The following TUT7 variants were observed in gnomAD, a reference collection of about 807,000 sequenced individuals.
TUT7 encodes the protein terminal uridylyltransferase 7.
A neutral mutation model predicts 165.9 loss-of-function variants in TUT7; 33 were observed. That is an observed-to-expected ratio of 0.20 (90% CI 0.15 to 0.27). The LOEUF (loss-of-function observed/expected upper bound fraction) is 0.27, where lower values mean the gene tolerates loss of function less well. Among genes scored for constraint, TUT7 ranks in the 10% least tolerant of loss-of-function variants. The pLI is 1.00. For missense variants in TUT7, 1,338 were observed against 1,762.3 expected, an observed-to-expected ratio of 0.76 and a Z score of 4.31; for synonymous variants, 552 against 608.1, an observed-to-expected ratio of 0.91 and a Z score of 1.36.
rs199887046 is a variant in TUT7, at chr9:86,343,117, G to C, written c.1044C>G (p.Phe348Leu). Residue 348 changes from phenylalanine (F) to leucine (L), a missense_variant, in exon 6 of 27, where the codon TTC (phenylalanine) becomes TTG (leucine). Transcript: ENST00000375963. ...TGTCAATGTTTACATCCGAATTTTTGAAACCCAATCTGCTACAGGATGACC... is the reference window on the plus strand; with the variant it reads ...TGTCAATGTTTACATCCGAATTTTTCAAACCCAATCTGCTACAGGATGACC... ...LYGSSCSRLG[F>L]KNSDVNIDIQ... 3 of 1,603,352 alleles carry C rather than the reference G, an allele frequency of 1.9e-6. No individual in the cohort carries two copies. The African/African-American group carries it at 4.0e-5, about 22-fold the overall frequency.
At chr9:86,342,159 C>T (rs1831381448) in intron 6 of TUT7, among the ~76,000 whole-genome samples, 1 of 151,994 alleles carries the variant, frequency 6.6e-6, no homozygotes. Flanking sequence ...ACCTCTGGGG[C>T]CCCAGAATCT....
At chr9:86,300,832 T>C (rs1355777531) in intron 26 of TUT7, among the ~76,000 whole-genome samples, 1 of 152,252 alleles carries the variant, frequency 6.6e-6, no homozygotes, top group Non-Finnish European at 1.5e-5. Flanking sequence ...TATTTCTTTC[T>C]GTTCCCTTTT....
In TUT7 at chr9:86,305,174, A is replaced by T. The variant is rs374402266; in HGVS notation, c.3886+18T>A. 4 of 1,587,808 alleles carry T rather than the reference A, an allele frequency of 2.5e-6. No homozygotes were observed. The highest frequency in any genetic ancestry group is 3.4e-6 in the Non-Finnish European group (4 of 1,168,528). On this transcript the variant is annotated intron_variant, in intron 23 of 26. Transcript: ENST00000375963. ...ATAAGTAAAATAAAAAATAAAATTG[A>T]CAAACGAAGTAACTCACTTTTCCTT...
Position 86,322,983 on chromosome 9 carries a change from G to A in TUT7, c.2767C>T (p.Leu923Phe). The A allele has an allele frequency of 6.2e-7, 1 of 1,613,962 alleles. No homozygotes were observed. The highest frequency in any genetic ancestry group is 1.1e-5 in the South Asian group (1 of 91,084). The change falls in exon 13 of 27, where the codon CTT (leucine) becomes TTT (phenylalanine). Residue 923 changes from leucine to phenylalanine, a missense_variant. Leu to Phe is a conservative substitution (Grantham distance 22). Around this residue, in one of 7 missense-constraint regions of TUT7, gnomAD observed 425 missense variants for 474.9 expected, o/e 0.89. Coordinates refer to ENST00000375963, the MANE Select transcript of TUT7 (RefSeq NM_024617.4). Reference protein sequence around the residue: ...KHVERALLVELNKISLKEENV... With the variant: ...KHVERALLVEFNKISLKEENV... ...TCTTCCTTGAGACTTATTTTATTAA[G>A]TTCCACTAGGAGAGCTCTTTCTACA...
chr9:86,313,668 T>C (rs1407270359), intron 17 of TUT7, among the ~76,000 whole-genome samples: 1 of 152,168 alleles, frequency 6.6e-6, no homozygotes, highest in Non-Finnish European at 1.5e-5. Flanking sequence ...CTAATTATCA[T>C]TTCACCCGTT....
At chr9:86,305,034 G>C (rs1314896151) in intron 23 of TUT7, 87 bp from the exon 24 acceptor site, 1 of 1,223,968 alleles carries the variant, frequency 8.2e-7, no homozygotes, top group African/African-American at 1.5e-5. Context: ...GCCTGGTGGC[G>C]CCTGTTATTC....
At chr9:86,309,890 G>T in intron 19 of TUT7, 38 bp downstream of exon 19, 2 of 1,559,496 alleles carry the variant, frequency 1.3e-6, no homozygotes, top group South Asian at 2.2e-5. Context: ...AAGATGCAAT[G>T]AAATTTCCTG....
rs562156834 is a variant in TUT7, at chr9:86,337,400, C to CA, written c.1455+18dup. 55 of 1,591,994 alleles carry CA rather than the reference C, an allele frequency of 3.5e-5. No individual in the cohort carries two copies. Among genetic ancestry groups the CA allele is most frequent in the Non-Finnish European group, 4.5e-5 (53 of 1,173,062 alleles). On this transcript the variant is annotated intron_variant, in intron 10 of 26. Transcript: ENST00000375963. ...AATAAAATCTGTTCAGATATATAAGCAAAAAAAATGTTTTATACCCATGAT... is the reference window on the plus strand; with the variant it reads ...AATAAAATCTGTTCAGATATATAAGCAAAAAAAAATGTTTTATACCCATGAT...
At chr9:86,292,599 T>G (rs1386534239) in intron 26 of TUT7, among the ~76,000 whole-genome samples, 1 of 147,752 alleles carries the variant, frequency 6.8e-6, no homozygotes, top group Non-Finnish European at 1.5e-5. Context: ...CAGTGACAGG[T>G]CTTTTATTAA....
intron 5 of TUT7, among the ~76,000 whole-genome samples, chr9:86,343,608 T>C (rs963729220): frequency 6.6e-6 from 1 of 152,188 alleles, no homozygotes; most frequent in Non-Finnish European, 1.5e-5. Context: ...AATGCACCCA[T>C]TGGTGTAATT....
Position 86,352,617 on chromosome 9 carries a change from G to A in TUT7, c.520+63C>T, listed in dbSNP as rs765506553. 6 of 1,579,152 alleles carry A rather than the reference G, an allele frequency of 3.8e-6. No individual in the cohort carries two copies. In the South Asian group the frequency reaches 6.7e-5, roughly 18 times the overall value. ...TGCTGAAAATAACAAAACTCATTTG[G>A]ATGAAAAAGAATAAAACATTGCTGA... On this transcript the variant is annotated intron_variant, in intron 2 of 26. Transcript: ENST00000375963.
At position 86,340,116 on chromosome 9, in the gene TUT7, A is replaced by C; in HGVS notation, c.1139-11T>G. 4 of 1,610,246 alleles carry C rather than the reference A, an allele frequency of 2.5e-6. No homozygotes were observed. Among genetic ancestry groups the C allele is most frequent in the Non-Finnish European group, 3.4e-6 (4 of 1,176,926 alleles). ...CATCAATAAAGGAGTCTGAGGAAAG[A>C]AGAAGAAAAATATTAAGTTGGTTAA... On this transcript the variant is annotated splice_polypyrimidine_tract_variant and intron_variant, in intron 7 of 26. Coordinates refer to ENST00000375963, the MANE Select transcript of TUT7 (RefSeq NM_024617.4).
At chr9:86,288,784 C>T (rs771690026) in intron 26 of TUT7, 40 bp from the exon 27 acceptor site, 1 of 1,529,268 alleles carries the variant, frequency 6.5e-7, no homozygotes, top group Non-Finnish European at 9.0e-7. Context: ...ATAAATGAAA[C>T]AAGCCTCGCT....
Position 86,319,659 on chromosome 9 carries a change from G to A in TUT7, c.3040C>T (p.Pro1014Ser), listed in dbSNP as rs750947417. 6.2e-7 allele frequency: 1 copy of A among 1,604,306 alleles called. No individual in the cohort carries two copies. The highest frequency in any genetic ancestry group is 1.1e-5 in the South Asian group (1 of 88,314). The change falls in exon 15 of 27, where the codon CCA becomes TCA. Residue 1014 changes from proline to serine, a missense_variant. Coordinates refer to ENST00000375963, the MANE Select transcript of TUT7 (RefSeq NM_024617.4). ...VCIQCYKDFS[P>S]TIIEDQAREH... ...CGAGCCTGATCTTCTATAATTGTTG[G>A]AGAAAAATCCTCTGTTTAAAAATAA...
chr9:86,345,872 C>T, intron 3 of TUT7, 87 bp from the exon 4 acceptor site: 2 of 972,270 alleles, frequency 2.1e-6, no homozygotes, highest in Non-Finnish European at 1.6e-6. Flanking sequence ...ATGATTTCCC[C>T]TTCAATTTCT....
intron 17 of TUT7, among the ~76,000 whole-genome samples, chr9:86,312,075 C>T (rs1238852999): frequency 6.6e-6 from 1 of 152,174 alleles, no homozygotes; most frequent in East Asian, 1.9e-4. Context: ...CTGTGCCTGG[C>T]CGCCCATCGT....
chr9:86,312,269 G>A (rs1828194569), intron 17 of TUT7, among the ~76,000 whole-genome samples: 1 of 151,296 alleles, frequency 6.6e-6, no homozygotes, highest in African/African-American at 2.4e-5. Context: ...CCTCTGCTCT[G>A]CCGCCCCGTC....
intron 22 of TUT7, among the ~76,000 whole-genome samples, chr9:86,307,696 T>C (rs1419816351): frequency 6.6e-6 from 1 of 152,000 alleles, no homozygotes; most frequent in East Asian, 1.9e-4. Context: ...CTACATTCAA[T>C]AGAAAAAGAT....
chr9:86,322,082 T>A (rs577481590), intron 14 of TUT7, among the ~76,000 whole-genome samples: 31 of 151,770 alleles, frequency 2.0e-4, no homozygotes, highest in Middle Eastern at 3.4e-3. Flanking sequence ...TCTCAAAATT[T>A]AAAAAAAAAT....
Sources: gnomAD v4.1 joint callset for allele counts (sites outside exome capture counted in the v4.1 genomes callset) on GRCh38, gnomAD v4.1.1 for gene constraint, gnomAD v4.1.1 regional missense constraint, MANE v1.5 for transcripts, NCBI Gene and HGNC (gene_info 2026-07-23, HGNC 2026-07-21) for gene names.